The following PRR11 variants were observed in gnomAD, a reference collection of about 807,000 sequenced individuals.
PRR11 encodes proline rich 11, also known as proline-rich protein 11.
In PRR11, 30 loss-of-function variants were observed where a neutral mutation model predicts 45.6. The observed-to-expected ratio is 0.66, with a 90% CI of 0.49 to 0.89. The LOEUF is 0.89. Among genes scored for constraint, PRR11 ranks in the 40% least tolerant of loss-of-function variants. The probability of loss-of-function intolerance (pLI) is 0.00; values close to 1 mark genes in which losing one functional copy is unlikely to be tolerated. For missense variants in PRR11, 373 were observed against 424.8 expected (o/e 0.88, Z 1.07); for synonymous variants, 128 against 153.5 (o/e 0.83, Z 1.23).
chr17:59,162,144 C>T (rs925605901), intron 1 of PRR11, among the ~76,000 whole-genome samples: 3 of 151,166 alleles, frequency 2.0e-5, no homozygotes, highest in African/African-American at 7.3e-5. Flanking sequence ...GTTCCTTAAT[C>T]CTCTGCATGT....
chr17:59,180,247 C>T (rs1342523924), intron 2 of PRR11, among the ~76,000 whole-genome samples: 2 of 150,772 alleles, frequency 1.3e-5, no homozygotes, highest in African/African-American at 4.9e-5. Flanking sequence ...TCTCCTGCCT[C>T]AGCCTCCCAA....
Position 59,169,809 on chromosome 17 carries a change from CAA to C in PRR11, c.65_66del (p.Lys22ArgfsTer46). Reference sequence around the variant, plus strand: ...TAAAAGCCAAAGCCGAAAGATTATTCAAAAAAAAAGAAGCCTCTCACTTTCAG... The same window carrying C: ...TAAAAGCCAAAGCCGAAAGATTATTCAAAAAAAGAAGCCTCTCACTTTCAG... ...KLKAKAERLF[K>X]KKEASHFQSK... On this transcript the variant is annotated frameshift_variant, in exon 2 of 10. Transcript: ENST00000262293. LOFTEE classifies it high-confidence loss of function. 1 of 1,597,000 alleles carries C rather than the reference CAA, an allele frequency of 6.3e-7. No homozygotes were observed. Among genetic ancestry groups the C allele is most frequent in the Non-Finnish European group, 8.5e-7 (1 of 1,170,054 alleles).
At chr17:59,175,729 A>G (rs2046741067) in intron 2 of PRR11, among the ~76,000 whole-genome samples, 1 of 152,016 alleles carries the variant, frequency 6.6e-6, no homozygotes, top group Non-Finnish European at 1.5e-5. Flanking sequence ...GAGGCAGAAC[A>G]AGACTCTGTC....
intron 9 of PRR11, 172 bp downstream of exon 9, chr17:59,197,961 A>G: frequency 1.6e-6 from 1 of 607,018 alleles, no homozygotes; most frequent in Middle Eastern, 4.4e-4. Context: ...AAAAAATACA[A>G]AAAATTAGCC....
intron 1 of PRR11, among the ~76,000 whole-genome samples, chr17:59,162,234 A>G (rs1423617944): frequency 6.6e-6 from 1 of 151,310 alleles, no homozygotes; most frequent in Non-Finnish European, 1.5e-5. Flanking sequence ...ACACACACAC[A>G]CACACACACA....
intron 2 of PRR11, chr17:59,181,363 C>G (rs954669317): frequency 3.5e-6 from 2 of 578,320 alleles, no homozygotes; most frequent in African/African-American, 3.9e-5. Context: ...CCTAAGCGTC[C>G]CTCATGAGTG....
intron 7 of PRR11, among the ~76,000 whole-genome samples, chr17:59,196,469 C>T (rs1159749168): frequency 6.6e-6 from 1 of 152,094 alleles, no homozygotes; most frequent in African/African-American, 2.4e-5. Flanking sequence ...CTCCACCTCC[C>T]GGGTTCCAGC....
chr17:59,188,671 G>A (rs1473878621), intron 4 of PRR11, among the ~76,000 whole-genome samples: 3 of 152,024 alleles, frequency 2.0e-5, no homozygotes, highest in Non-Finnish European at 4.4e-5. Flanking sequence ...AGGCGTGGTG[G>A]CTCACACCTG....
intron 1 of PRR11, among the ~76,000 whole-genome samples, chr17:59,163,108 T>G (rs960751460): frequency 1.3e-5 from 2 of 150,334 alleles, no homozygotes; most frequent in African/African-American, 2.5e-5. Flanking sequence ...CTTTTTTTTT[T>G]TAGATGGACT....
chr17:59,172,914 G>A (rs764469581), intron 2 of PRR11, among the ~76,000 whole-genome samples: 6 of 152,360 alleles, frequency 3.9e-5, no homozygotes, highest in East Asian at 1.9e-4. Flanking sequence ...GGCACATGGC[G>A]CAGGGCTGGC....
At chr17:59,174,795 ATCTC>A (rs370197019) in intron 2 of PRR11, among the ~76,000 whole-genome samples, 7 of 152,224 alleles carry the variant, frequency 4.6e-5, no homozygotes, top group African/African-American at 1.7e-4. Context: ...ACGCGGTGCG[ATCTC>A]GTGCCCACAC....
At chr17:59,200,466 T>A (rs1214845557) in intron 9 of PRR11, among the ~76,000 whole-genome samples, 2 of 152,060 alleles carry the variant, frequency 1.3e-5, no homozygotes, top group African/African-American at 2.4e-5. Context: ...TTTTTTTTAA[T>A]ATATACAACT....
intron 1 of PRR11, chr17:59,163,622 G>C (rs896849812): frequency 6.6e-6 from 1 of 152,158 alleles, no homozygotes; most frequent in Non-Finnish European, 1.5e-5. Context: ...GAAGCCCTCT[G>C]TCCTGTCCTT....
In PRR11 at chr17:59,196,406, T is replaced by G. The variant is rs552973122; in HGVS notation, c.857+963T>G. Among the ~76,000 whole-genome samples, 41 of 152,314 alleles carry G rather than the reference T, an allele frequency of 2.7e-4. No homozygotes were observed. In the South Asian group the frequency reaches 8.5e-3, roughly 32 times the overall value. ...TTTTTTTATTTTTTGAGATGGAGTC[T>G]TGCTCTGTCGCCCAGACTGGAGTGC... On this transcript the variant is annotated intron_variant, in intron 7 of 9. Transcript: ENST00000262293.
rs981168147 is a variant in PRR11, at chr17:59,193,495, A to G, written c.406A>G (p.Ile136Val). 13 of 1,614,202 alleles carry G rather than the reference A, an allele frequency of 8.1e-6. No individual in the cohort carries two copies. The highest frequency in any genetic ancestry group is 1.1e-5 in the Non-Finnish European group (13 of 1,180,022). Residue 136 changes from isoleucine (I) to valine (V), a missense_variant, in exon 5 of 10, where the codon ATC (isoleucine) becomes GTC (valine). Ile to Val is a conservative substitution (Grantham distance 29, BLOSUM62 3). Coordinates refer to ENST00000262293, the MANE Select transcript of PRR11 (RefSeq NM_018304.4). ...CAAATGTGATGTCTTCTTCCAGACC[A>G]TCTCAGAAAGTTCTTCCTGTCCAAG... is the stretch of plus-strand genomic sequence containing the variant. ...LCKLQEALKT[I>V]SESSSCPSCG...
Position 59,195,366 on chromosome 17 carries a change from T to C in PRR11, c.780T>C (p.Val260=). The change falls in exon 7 of 10, where the codon GTT becomes GTC. Residue 260 remains valine (V), a synonymous_variant. Transcript: ENST00000262293. ...IPSPKARNPL[V]TVSDLQHVTL... is the part of the protein sequence containing the mutation. ...CGCCGAAAGCACGGAATCCACTAGTTACCGTCTCTGACTTGCAGCATGTTA... is the reference window on the plus strand; with the variant it reads ...CGCCGAAAGCACGGAATCCACTAGTCACCGTCTCTGACTTGCAGCATGTTA... The C allele has an allele frequency of 6.2e-7, 1 of 1,605,768 alleles. No homozygotes were observed. The highest frequency in any genetic ancestry group is 8.5e-7 in the Non-Finnish European group (1 of 1,172,520).
chr17:59,166,895 G>A (rs1372820643), intron 1 of PRR11, among the ~76,000 whole-genome samples: 1 of 152,058 alleles, frequency 6.6e-6, no homozygotes, highest in Non-Finnish European at 1.5e-5. Flanking sequence ...CGGGCGCGGT[G>A]GCTTATGCCT....
intron 2 of PRR11, among the ~76,000 whole-genome samples, chr17:59,180,154 A>G (rs1434408002): frequency 3.9e-5 from 5 of 126,808 alleles, no homozygotes; most frequent in Admixed American, 1.7e-4. Flanking sequence ...TTTTTGACAC[A>G]GAGTCTTGCT....
At chr17:59,169,093 C>CTTTTTT (rs780548478) in intron 1 of PRR11, among the ~76,000 whole-genome samples, 19 of 106,718 alleles carry the variant, frequency 1.8e-4, no homozygotes, top group East Asian at 2.7e-4. Flanking sequence ...GAAACATATT[C>CTTTTTT]TTTTTTTTTT....
Sources: allele counts gnomAD v4.1 joint callset (sites outside exome capture counted in the v4.1 genomes callset), GRCh38; gene constraint gnomAD v4.1.1; transcripts MANE v1.5; gene names NCBI Gene and HGNC (gene_info 2026-07-23, HGNC 2026-07-21).